Variants in ACTR3B observed in about 807,000 individuals in gnomAD.
ACTR3B encodes actin related protein 3B.
ACTR3B carries 8 observed loss-of-function variants against 59.0 expected under a neutral mutation model. That is an observed-to-expected ratio of 0.14 (90% CI 0.08 to 0.24). The LOEUF is 0.24. Among genes scored for constraint, ACTR3B ranks in the 10% least tolerant of loss-of-function variants. ACTR3B has a pLI of 1.00. For missense variants in ACTR3B, 245 were observed against 552.3 expected (o/e 0.44, Z 5.58); for synonymous variants, 148 against 197.9 (o/e 0.75, Z 2.12).
At chr7:152,764,298 C>T (rs1694379631) in intron 1 of ACTR3B, among the ~76,000 whole-genome samples, 1 of 152,152 alleles carries the variant, frequency 6.6e-6, no homozygotes, top group South Asian at 2.1e-4. Context: ...TGAGGCACTG[C>T]ACCTGGCCTT....
At chr7:152,787,642 A>C in intron 2 of ACTR3B, among the ~76,000 whole-genome samples, 1 of 152,110 alleles carries the variant, frequency 6.6e-6, no homozygotes. Flanking sequence ...CTATTTATTA[A>C]AGAGTGTGTT....
At chr7:152,786,715 C>T (rs1209965228) in intron 2 of ACTR3B, among the ~76,000 whole-genome samples, 1 of 151,672 alleles carries the variant, frequency 6.6e-6, no homozygotes, top group Admixed American at 6.6e-5. Flanking sequence ...TCTTCTTTTC[C>T]TCTTTTCTTT....
At chr7:152,842,206 GTACA>G (rs949581429) in intron 9 of ACTR3B, among the ~76,000 whole-genome samples, 1 of 152,118 alleles carries the variant, frequency 6.6e-6, no homozygotes, top group Non-Finnish European at 1.5e-5. Context: ...TTTTTTTCCT[GTACA>G]TACATACTTT....
chr7:152,843,215 T>C (rs1192266763), intron 9 of ACTR3B, among the ~76,000 whole-genome samples: 10 of 152,252 alleles, frequency 6.6e-5, no homozygotes, highest in South Asian at 4.1e-4. Context: ...TTTTTTCTTT[T>C]ATGGTTCATG....
At chr7:152,779,455 G>A (rs1411688234) in intron 1 of ACTR3B, among the ~76,000 whole-genome samples, 1 of 152,118 alleles carries the variant, frequency 6.6e-6, no homozygotes, top group African/African-American at 2.4e-5. Context: ...GAGGACCTGG[G>A]CCATGTCCAC....
chr7:152,760,026 G>A (rs2098084203), intron 1 of ACTR3B, 100 bp downstream of exon 1: 2 of 1,116,246 alleles, frequency 1.8e-6, no homozygotes, highest in Non-Finnish European at 2.3e-6. Context: ...GTCGCCCCGG[G>A]CTTGAGCCCC....
chr7:152,787,912 G>GATT (rs575440470), intron 2 of ACTR3B, among the ~76,000 whole-genome samples: 116 of 151,460 alleles, frequency 7.7e-4, no homozygotes, highest in African/African-American at 2.7e-3. Flanking sequence ...ATGGGGTTTT[G>GATT]ATTATTATTA....
At chr7:152,794,678 G>GAGATGGTACATCAGATGGT (rs1448069744) in intron 2 of ACTR3B, among the ~76,000 whole-genome samples, 176 of 152,282 alleles carry the variant, frequency 1.2e-3, no homozygotes, top group Non-Finnish European at 2.1e-3. Flanking sequence ...TGTGGTGTCA[G>GAGATGGTACATCAGATGGT]TCAGTGTGCC....
chr7:152,760,204 C>T (rs1041545265), intron 1 of ACTR3B, among the ~76,000 whole-genome samples: 6 of 152,138 alleles, frequency 3.9e-5, no homozygotes, highest in African/African-American at 1.4e-4. Context: ...CCTCCCCCGC[C>T]CACGTGGCCG....
Position 152,759,777 on chromosome 7 carries a change from C to G in ACTR3B, c.-106C>G. ...ATCCGGGCTCCCGGCAGCGGCGCTGCGGCGGCTCGCGGGAGACGCTGCGCG... is the reference window on the plus strand; with the variant it reads ...ATCCGGGCTCCCGGCAGCGGCGCTGGGGCGGCTCGCGGGAGACGCTGCGCG... On this transcript the variant is annotated 5_prime_UTR_variant, in exon 1 of 12. Transcript: ENST00000256001. The G allele has an allele frequency of 1.1e-6, 1 of 906,874 alleles. No individual in the cohort carries two copies. The highest frequency in any genetic ancestry group is 1.4e-6 in the Non-Finnish European group (1 of 732,866). 56.2% of individuals were successfully genotyped at this position (906,874 alleles called of 1,614,324 possible).
At chr7:152,805,032 A>G (rs1048870488) in intron 4 of ACTR3B, among the ~76,000 whole-genome samples, 1 of 151,758 alleles carries the variant, frequency 6.6e-6, no homozygotes, top group Non-Finnish European at 1.5e-5. Flanking sequence ...CTGCTCTCAT[A>G]TTTGGCCTCA....
At chr7:152,803,125 C>T (rs2098241923) in intron 4 of ACTR3B, among the ~76,000 whole-genome samples, 1 of 152,244 alleles carries the variant, frequency 6.6e-6, no homozygotes, top group South Asian at 2.1e-4. Context: ...TAGCTCACTG[C>T]AGCCTCGGAC....
In ACTR3B at chr7:152,825,123, G is replaced by A; in HGVS notation, c.951+1G>A. On this transcript the variant is annotated splice_donor_variant, in intron 9 of 11. Coordinates refer to ENST00000256001, the MANE Select transcript of ACTR3B (RefSeq NM_020445.6). LOFTEE classifies it high-confidence loss of function. Reference sequence around the variant, plus strand: ...CGATGTGCGGCGCCCGCTGTATAAGGTATGAGCTGCCTGGGTAAGGTACTT... The same window carrying A: ...CGATGTGCGGCGCCCGCTGTATAAGATATGAGCTGCCTGGGTAAGGTACTT... 1 of 1,612,314 alleles carries A rather than the reference G, an allele frequency of 6.2e-7. No individual in the cohort carries two copies. The highest frequency in any genetic ancestry group is 1.1e-5 in the South Asian group (1 of 90,550).
chr7:152,772,970 G>C (rs1368131593), intron 1 of ACTR3B, among the ~76,000 whole-genome samples: 2 of 148,372 alleles, frequency 1.3e-5, no homozygotes, highest in African/African-American at 4.9e-5. Context: ...AGAATATGTA[G>C]TTAAGGAATA....
Position 152,798,847 on chromosome 7 carries a change from T to A in ACTR3B, c.101-1684T>A, listed in dbSNP as rs562176536. Among the ~76,000 whole-genome samples, 49 of 152,336 alleles carry A rather than the reference T, an allele frequency of 3.2e-4. No individual in the cohort carries two copies. In the South Asian group the frequency reaches 6.0e-3, roughly 19 times the overall value. On this transcript the variant is annotated intron_variant, in intron 2 of 11. Transcript: ENST00000256001. ...ATTTCTGGGCTCTTTGTTCCACTGG[T>A]TTATATGTCTGTTTTTATACCAGTA...
In ACTR3B at chr7:152,789,940, AG is replaced by A. The variant is rs572203707; in HGVS notation, c.100+6699del. ...TGAATGACAGTGAGTATTGACATTT[AG>A]TCAAAGCTTTTCTGTTATTGAGATG... On this transcript the variant is annotated intron_variant, in intron 2 of 11. Coordinates refer to ENST00000256001, the MANE Select transcript of ACTR3B (RefSeq NM_020445.6). Among the ~76,000 whole-genome samples, 12 of 151,050 alleles carry A rather than the reference AG, an allele frequency of 7.9e-5. No individual in the cohort carries two copies. In the South Asian group the frequency reaches 2.3e-3, roughly 29 times the overall value.
chr7:152,799,344 G>A, intron 2 of ACTR3B, among the ~76,000 whole-genome samples: 1 of 152,146 alleles, frequency 6.6e-6, no homozygotes, highest in Non-Finnish European at 1.5e-5. Flanking sequence ...CTGCTTAGGT[G>A]CAAATCCTGT....
chr7:152,781,193 GTTTTTTTTTTTT>G (rs369933153), intron 1 of ACTR3B, among the ~76,000 whole-genome samples: 3 of 94,420 alleles, frequency 3.2e-5, no homozygotes, highest in African/African-American at 4.2e-5. Context: ...CGTTTCAGTG[GTTTTTTTTTTTT>G]TTTTTTTTTT....
intron 4 of ACTR3B, among the ~76,000 whole-genome samples, chr7:152,809,690 G>T (rs917564601): frequency 3.3e-5 from 5 of 151,926 alleles, no homozygotes; most frequent in Non-Finnish European, 2.9e-5. Flanking sequence ...CTACAGGTAT[G>T]TGCCACCACG....
Sources: allele counts gnomAD v4.1 joint callset (sites outside exome capture counted in the v4.1 genomes callset), GRCh38; gene constraint gnomAD v4.1.1; transcripts MANE v1.5; gene names NCBI Gene and HGNC (gene_info 2026-07-23, HGNC 2026-07-21).